Variants in TFDP2 observed in about 807,000 individuals in gnomAD.
TFDP2 encodes transcription factor Dp-2, also known as transcription factor Dp-2 (E2F dimerization partner 2).
A neutral mutation model predicts 59.3 loss-of-function variants in TFDP2; 17 were observed. The observed-to-expected ratio is 0.29, with a 90% CI of 0.20 to 0.43. TFDP2 has a LOEUF of 0.43. TFDP2 is among the 20% of genes least tolerant of loss of function. TFDP2 has a pLI of 1.00. For missense variants in TFDP2, 391 were observed against 528.8 expected (o/e 0.74, Z 2.56); for synonymous variants, 180 against 194.7 (o/e 0.92, Z 0.63).
rs1576427193 is a variant in TFDP2, at chr3:141,950,056, C to T, written c.*2457G>A. The T allele has an allele frequency of 6.6e-6, 1 of 152,170 alleles. No homozygotes were observed. Among genetic ancestry groups the T allele is most frequent in the Non-Finnish European group, 1.5e-5 (1 of 68,108 alleles). The allele number at this position is 152,170 out of a possible 1,614,324, so 9.4% of individuals were successfully genotyped here. A position where few individuals can be genotyped will look rare whatever the true frequency, so the allele number is the denominator to read the frequency against. On this transcript the variant is annotated 3_prime_UTR_variant, in exon 13 of 13. Coordinates refer to ENST00000489671, the MANE Select transcript of TFDP2 (RefSeq NM_001178139.2). ...TCCTGAGCTCAAGCAATGTGCCCGC[C>T]TCGGCCTCCCAAAGTGCTACGATTA...
intron 6 of TFDP2, among the ~76,000 whole-genome samples, chr3:141,979,857 G>C (rs1471199387): frequency 6.6e-6 from 1 of 151,812 alleles, no homozygotes; most frequent in African/African-American, 2.4e-5. Context: ...CCAAAGTGCT[G>C]GGATTACAGG....
intron 9 of TFDP2, among the ~76,000 whole-genome samples, chr3:141,969,567 G>C (rs1349261104): frequency 6.6e-6 from 1 of 151,822 alleles, no homozygotes; most frequent in Admixed American, 6.6e-5. Flanking sequence ...AGCCAAGATC[G>C]CACCACTGCA....
chr3:142,063,302 T>G (rs1332535259), intron 3 of TFDP2, among the ~76,000 whole-genome samples: 1 of 152,184 alleles, frequency 6.6e-6, no homozygotes, highest in Non-Finnish European at 1.5e-5. Flanking sequence ...CAATTTCACT[T>G]AAATCTGAGC....
chr3:141,987,435 C>A (rs923573200), intron 6 of TFDP2, among the ~76,000 whole-genome samples: 3 of 152,066 alleles, frequency 2.0e-5, no homozygotes, highest in African/African-American at 7.2e-5. Context: ...GTGCATCCTG[C>A]CACGCCCAGC....
At chr3:142,057,389 T>C (rs1297323917) in intron 3 of TFDP2, among the ~76,000 whole-genome samples, 4 of 152,230 alleles carry the variant, frequency 2.6e-5, no homozygotes, top group Non-Finnish European at 5.9e-5. Context: ...CTAAGACAAC[T>C]CTAAAATCTT....
chr3:142,028,923 C>A (rs1429321319), intron 3 of TFDP2: 1 of 158,982 alleles, frequency 6.3e-6, no homozygotes, highest in Non-Finnish European at 1.4e-5. Context: ...TTGATCTTAG[C>A]CAAAAGGCCG....
chr3:142,057,388 C>G (rs1340951333), intron 3 of TFDP2, among the ~76,000 whole-genome samples: 1 of 152,164 alleles, frequency 6.6e-6, no homozygotes, highest in Non-Finnish European at 1.5e-5. Flanking sequence ...GCTAAGACAA[C>G]TCTAAAATCT....
chr3:142,085,594 T>A (rs1354760792), intron 3 of TFDP2, among the ~76,000 whole-genome samples: 1 of 152,194 alleles, frequency 6.6e-6, no homozygotes, highest in Non-Finnish European at 1.5e-5. Flanking sequence ...CATTTATTAC[T>A]CTTTTATTAA....
At chr3:142,007,620 A>G (rs2108277071) in intron 3 of TFDP2, among the ~76,000 whole-genome samples, 1 of 152,330 alleles carries the variant, frequency 6.6e-6, no homozygotes, top group Non-Finnish European at 1.5e-5. Flanking sequence ...TATATAATGA[A>G]TTAGTTATAC....
At chr3:141,977,324 C>A (rs1446406230) in intron 7 of TFDP2, among the ~76,000 whole-genome samples, 6 of 148,224 alleles carry the variant, frequency 4.0e-5, no homozygotes, top group African/African-American at 1.2e-4. Context: ...GTAATCCCAG[C>A]ACTTTGGGAG....
chr3:141,972,504 G>A (rs1476410153), intron 8 of TFDP2, among the ~76,000 whole-genome samples: 4 of 152,046 alleles, frequency 2.6e-5, no homozygotes, highest in Admixed American at 6.6e-5. Flanking sequence ...CTTTCTCCAT[G>A]CCTGTTCCCT....
chr3:141,989,597 G>A (rs1294847379), intron 6 of TFDP2: 1 of 152,200 alleles, frequency 6.6e-6, no homozygotes, highest in Non-Finnish European at 1.5e-5. Flanking sequence ...GGGTTGGGAT[G>A]GTTCAGCTGG....
At chr3:142,023,221 G>C (rs560472617) in intron 3 of TFDP2, among the ~76,000 whole-genome samples, 1 of 151,244 alleles carries the variant, frequency 6.6e-6, no homozygotes, top group Non-Finnish European at 1.5e-5. Flanking sequence ...GTCTTGTTGT[G>C]TCACCTAGGC....
In TFDP2 at chr3:142,019,349, C is replaced by T. The variant is rs191059444; in HGVS notation, c.83-13805G>A. 3.4e-3 allele frequency among the ~76,000 whole-genome samples: 517 copies of T among 152,312 alleles called. 6 individuals carry two copies. Among genetic ancestry groups the T allele is most frequent in the African/African-American group, 0.012 (493 of 41,560 alleles). Reference sequence around the variant, plus strand: ...AAAGTGCTGGGATTACAGGCGTGAGCCACTGCGCCCGGCCTATTTGCACAT... The same window carrying T: ...AAAGTGCTGGGATTACAGGCGTGAGTCACTGCGCCCGGCCTATTTGCACAT... On this transcript the variant is annotated intron_variant, in intron 3 of 12. Transcript: ENST00000489671.
chr3:142,070,765 C>T (rs2060219511), intron 3 of TFDP2, among the ~76,000 whole-genome samples: 1 of 152,096 alleles, frequency 6.6e-6, no homozygotes, highest in African/African-American at 2.4e-5. Flanking sequence ...CCCTTTAATG[C>T]CTTGAGGTTT....
At chr3:142,111,265 C>T (rs553001904) in intron 1 of TFDP2, among the ~76,000 whole-genome samples, 24 of 151,898 alleles carry the variant, frequency 1.6e-4, no homozygotes, top group Non-Finnish European at 3.4e-4. Flanking sequence ...CCCGTCTCTA[C>T]TAAAAATACA....
At chr3:142,059,388 T>A (rs918652069) in intron 3 of TFDP2, among the ~76,000 whole-genome samples, 3 of 152,130 alleles carry the variant, frequency 2.0e-5, no homozygotes, top group African/African-American at 7.2e-5. Flanking sequence ...GCCAGTAAAA[T>A]AATCAATGAC....
chr3:142,000,602 T>C (rs572766816), intron 4 of TFDP2, among the ~76,000 whole-genome samples: 18 of 152,270 alleles, frequency 1.2e-4, no homozygotes, highest in African/African-American at 4.3e-4. Context: ...TTCATTCCAA[T>C]AGTCTCACAA....
chr3:142,147,239 C>T (rs2063212864), intron 1 of TFDP2, among the ~76,000 whole-genome samples: 1 of 152,030 alleles, frequency 6.6e-6, no homozygotes, highest in African/African-American at 2.4e-5. Flanking sequence ...CAGATTAAAA[C>T]GGAAAGGATT....
Sources: gnomAD v4.1 joint callset for allele counts (sites outside exome capture counted in the v4.1 genomes callset) on GRCh38, gnomAD v4.1.1 for gene constraint, MANE v1.5 for transcripts, NCBI Gene and HGNC (gene_info 2026-07-23, HGNC 2026-07-21) for gene names.